The following RIC1 variants were observed in gnomAD, a reference collection of about 807,000 sequenced individuals.
RIC1 encodes guanine nucleotide exchange factor subunit RIC1.
Under a neutral mutation model 169.0 loss-of-function variants are expected in RIC1, and 88 were observed. The ratio of observed to expected loss-of-function variants is 0.52; its 90% confidence interval spans 0.44 to 0.62. The LOEUF is 0.62. Among genes scored for constraint, RIC1 ranks in the 20% least tolerant of loss-of-function variants. The pLI, the probability that RIC1 is intolerant of heterozygous loss-of-function variation, is 0.00. For missense variants in RIC1, 1,877 were observed against 1,725.5 expected (o/e 1.09, Z -1.56); for synonymous variants, 790 against 601.5 (o/e 1.31, Z -4.59).
At chr9:5,746,640 C>G (rs905835995) in intron 11 of RIC1, among the ~76,000 whole-genome samples, 1 of 152,104 alleles carries the variant, frequency 6.6e-6, no homozygotes, top group African/African-American at 2.4e-5. Flanking sequence ...TGAGGACTTG[C>G]TTTTAGAAAC....
intron 2 of RIC1, among the ~76,000 whole-genome samples, chr9:5,681,203 G>C (rs2130644288): frequency 6.6e-6 from 1 of 152,102 alleles, no homozygotes; most frequent in South Asian, 2.1e-4. Flanking sequence ...CCTTCTGCTA[G>C]CTTTTGAATG....
At chr9:5,753,935 T>C (rs1278307987) in intron 14 of RIC1, among the ~76,000 whole-genome samples, 1 of 152,206 alleles carries the variant, frequency 6.6e-6, no homozygotes, top group East Asian at 1.9e-4. Context: ...AGCTTGAGTT[T>C]ATCTGATGTG....
At chr9:5,661,487 G>A (rs987514214) in intron 2 of RIC1, among the ~76,000 whole-genome samples, 2 of 152,036 alleles carry the variant, frequency 1.3e-5, no homozygotes, top group East Asian at 1.9e-4. Context: ...TTTTCCATTT[G>A]TTCGTGTCAT....
intron 2 of RIC1, among the ~76,000 whole-genome samples, chr9:5,658,783 T>C (rs931288670): frequency 2.0e-5 from 3 of 151,972 alleles, no homozygotes; most frequent in Non-Finnish European, 2.9e-5. Flanking sequence ...CCACAGCTGT[T>C]ATGGCTTGGG....
At chr9:5,667,348 G>A (rs1819836193) in intron 2 of RIC1, among the ~76,000 whole-genome samples, 1 of 151,974 alleles carries the variant, frequency 6.6e-6, no homozygotes, top group African/African-American at 2.4e-5. Flanking sequence ...TTGTTAAAGT[G>A]TATTTTCTTT....
intron 4 of RIC1, among the ~76,000 whole-genome samples, chr9:5,717,809 C>G (rs935168368): frequency 3.3e-5 from 5 of 151,148 alleles, no homozygotes; most frequent in African/African-American, 1.2e-4. Context: ...TGCACTCTAG[C>G]CTGGGCAGCA....
intron 3 of RIC1, among the ~76,000 whole-genome samples, chr9:5,699,223 A>G (rs1229564345): frequency 1.3e-5 from 2 of 152,190 alleles, no homozygotes; most frequent in East Asian, 1.9e-4. Context: ...TATTCTCCCT[A>G]TGTCTGTGTA....
At chr9:5,706,334 C>A (rs747493075) in intron 3 of RIC1, among the ~76,000 whole-genome samples, 2 of 152,120 alleles carry the variant, frequency 1.3e-5, no homozygotes, top group Non-Finnish European at 2.9e-5. Context: ...TGCCTGTAAT[C>A]CCAGGTACTC....
intron 3 of RIC1, among the ~76,000 whole-genome samples, chr9:5,705,196 T>TTG (rs1554669985): frequency 2.0e-5 from 3 of 151,018 alleles, no homozygotes; most frequent in Non-Finnish European, 4.4e-5. Context: ...ATTTCTGTTT[T>TTG]TTTTTTTTTT....
intron 3 of RIC1, among the ~76,000 whole-genome samples, chr9:5,691,045 T>C (rs1376673180): frequency 1.3e-5 from 2 of 152,040 alleles, no homozygotes; most frequent in Non-Finnish European, 2.9e-5. Flanking sequence ...ATAATAAAAG[T>C]TGTGTTGCAC....
At chr9:5,727,447 T>C (rs1824068244) in intron 6 of RIC1, among the ~76,000 whole-genome samples, 1 of 152,222 alleles carries the variant, frequency 6.6e-6, no homozygotes, top group South Asian at 2.1e-4. Context: ...TCTAATCTTT[T>C]TTCAAGATTT....
chr9:5,768,825 G>A (rs1563723866), intron 21 of RIC1, 145 bp from the exon 22 acceptor site: 9 of 857,308 alleles, frequency 1.0e-5, no homozygotes, highest in South Asian at 3.7e-5. Context: ...GAGGAGAAGC[G>A]TTGATACTTT....
At chr9:5,683,940 G>A (rs907787577) in intron 2 of RIC1, among the ~76,000 whole-genome samples, 8 of 152,294 alleles carry the variant, frequency 5.3e-5, no homozygotes, top group East Asian at 1.9e-4. Context: ...AGGACCCTCC[G>A]AGCCAGGTGC....
At chr9:5,710,011 C>T (rs1238793474) in intron 3 of RIC1, among the ~76,000 whole-genome samples, 4 of 152,108 alleles carry the variant, frequency 2.6e-5, no homozygotes, top group Non-Finnish European at 4.4e-5. Flanking sequence ...AGAAAAAAAG[C>T]TGAAATAAAA....
At chr9:5,716,904 T>G (rs1231674605) in intron 4 of RIC1, among the ~76,000 whole-genome samples, 1 of 152,210 alleles carries the variant, frequency 6.6e-6, no homozygotes, top group Non-Finnish European at 1.5e-5. Context: ...GCTCCTGGGC[T>G]CAAGCATTCC....
In RIC1 at chr9:5,738,438, T is replaced by C. The variant is rs757887423; in HGVS notation, c.813-12T>C. 5.7e-6 allele frequency: 9 copies of C among 1,570,906 alleles called. No homozygotes were observed. The highest frequency in any genetic ancestry group is 1.9e-5 in the Admixed American group (1 of 53,680). On this transcript the variant is annotated splice_polypyrimidine_tract_variant and intron_variant, in intron 7 of 25. Transcript: ENST00000414202. ...TTTTTTCACTAAAAGTTTTTCGTTG[T>C]TGTTTTCACAGTGGTTCTGTGCAGG...
chr9:5,728,918 C>G (rs10758702), intron 6 of RIC1, among the ~76,000 whole-genome samples: 68,308 of 151,958 alleles, frequency 0.45, 16,385 homozygotes, highest in East Asian at 0.85. Context: ...AATTTTGGTT[C>G]GTTTGGTTTA....
At chr9:5,729,724 C>G (rs1030531941) in intron 6 of RIC1, among the ~76,000 whole-genome samples, 4 of 152,042 alleles carry the variant, frequency 2.6e-5, no homozygotes, top group African/African-American at 7.2e-5. Context: ...CTTTAATATT[C>G]CTATCTACTA....
intron 20 of RIC1, 39 bp downstream of exon 20, chr9:5,765,611 A>G (rs1231299758): frequency 3.0e-5 from 48 of 1,613,844 alleles, no homozygotes; most frequent in Non-Finnish European, 4.1e-5. Flanking sequence ...TAGGCCATAC[A>G]CCCACGTAGC....
Sources: allele counts gnomAD v4.1 joint callset (sites outside exome capture counted in the v4.1 genomes callset), GRCh38; gene constraint gnomAD v4.1.1; transcripts MANE v1.5; gene names NCBI Gene and HGNC (gene_info 2026-07-23, HGNC 2026-07-21).